Variants in ACOT11 observed in about 807,000 individuals in gnomAD.
ACOT11 encodes acyl-coenzyme A thioesterase 11.
In ACOT11, 69 loss-of-function variants were observed where a neutral mutation model predicts 77.5. The ratio of observed to expected loss-of-function variants is 0.89; its 90% CI spans 0.73 to 1.09. The LOEUF is 1.09. ACOT11 is among the 50% of genes least tolerant of loss of function. The pLI, the probability that ACOT11 is intolerant of heterozygous loss-of-function variation, is 0.00. For synonymous variants in ACOT11, 279 were observed against 313.0 expected, an observed-to-expected ratio of 0.89 and a Z score of 1.15; for missense variants, 766 against 813.7, an observed-to-expected ratio of 0.94 and a Z score of 0.71.
intron 6 of ACOT11, 28 bp from the exon 7 acceptor site, chr1:54,597,231 T>A: frequency 6.2e-7 from 1 of 1,607,322 alleles, no homozygotes. Context: ...ACCTCCCTGC[T>A]TCCCTCCCTT....
intron 1 of ACOT11, among the ~76,000 whole-genome samples, chr1:54,568,186 A>G (rs1374252039): frequency 6.6e-6 from 1 of 152,056 alleles, no homozygotes; most frequent in Admixed American, 6.6e-5. Flanking sequence ...GATCCTAGCC[A>G]GGAAGCCTCT....
At chr1:54,638,061 A>G (rs1644341042) in exon 17 of ACOT11, 1 of 151,932 alleles carries the variant, frequency 6.6e-6, no homozygotes, top group Non-Finnish European at 1.5e-5. Flanking sequence ...GCTTCAAGCT[A>G]TCCTCCCACC....
intron 2 of ACOT11, 144 bp from the exon 3 acceptor site, chr1:54,585,691 G>A (rs1035507860): frequency 4.2e-6 from 3 of 713,748 alleles, no homozygotes; most frequent in East Asian, 2.7e-5. Flanking sequence ...GGTGAGGGGT[G>A]TAAGGAATGG....
intron 1 of ACOT11, among the ~76,000 whole-genome samples, chr1:54,555,183 A>G (rs1005295805): frequency 2.6e-5 from 4 of 152,138 alleles, no homozygotes; most frequent in African/African-American, 9.7e-5. Context: ...CTGGTCTCGA[A>G]CTCATAACCT....
At chr1:54,565,788 C>T (rs771902020) in intron 1 of ACOT11, among the ~76,000 whole-genome samples, 3 of 152,138 alleles carry the variant, frequency 2.0e-5, no homozygotes, top group Non-Finnish European at 1.5e-5. Context: ...GTCCCAGGAC[C>T]AGATGAACCA....
Position 54,626,000 on chromosome 1 carries a change from C to T in ACOT11, c.1630-4734C>T, listed in dbSNP as rs139307209. Reference sequence around the variant, plus strand: ...GAAAAGGCCAGCATGGTGGCTCACACCTGTAATCCCAGCACTTTGGGAGGC... The same window carrying T: ...GAAAAGGCCAGCATGGTGGCTCACATCTGTAATCCCAGCACTTTGGGAGGC... On this transcript the variant is annotated intron_variant, in intron 15 of 16. Transcript: ENST00000371316. Among the ~76,000 whole-genome samples the T allele has an allele frequency of 1.1e-3, 165 of 151,226 alleles. 2 individuals are homozygous for T. In the East Asian group the frequency reaches 0.022, roughly 20 times the overall value.
downstream of ACOT11, chr1:54,612,459 G>T: frequency 1.3e-6 from 2 of 1,554,236 alleles, no homozygotes; most frequent in Middle Eastern, 3.4e-4. Flanking sequence ...CCTCCAGGAG[G>T]GTGGGGGTGG....
At chr1:54,635,223 A>G in exon 17 of ACOT11, 1 of 225,904 alleles carries the variant, frequency 4.4e-6, no homozygotes, top group Non-Finnish European at 8.7e-6. Flanking sequence ...TTCCTATGGA[A>G]TCATTACTAA....
At chr1:54,589,317 C>CTTTTTTTTTTTTTTTTTTTTTTTT (rs397863314) in intron 3 of ACOT11, among the ~76,000 whole-genome samples, 1 of 124,400 alleles carries the variant, frequency 8.0e-6, no homozygotes. Flanking sequence ...ATGCCTGGCC[C>CTTTTTTTTTTTTTTTTTTTTTTTT]TTTTTTTTTT....
chr1:54,634,077 G>A (rs1359543905), intron 16 of ACOT11, among the ~76,000 whole-genome samples: 2 of 152,118 alleles, frequency 1.3e-5, no homozygotes, highest in Non-Finnish European at 2.9e-5. Flanking sequence ...GGGAGAACTC[G>A]GATTGTTAAA....
chr1:54,600,619 G>T (rs1375991762), intron 8 of ACOT11, among the ~76,000 whole-genome samples: 1 of 152,202 alleles, frequency 6.6e-6, no homozygotes, highest in Non-Finnish European at 1.5e-5. Flanking sequence ...AGAGGCGGAG[G>T]TTGCAGTGAG....
chr1:54,571,099 G>T (rs1337729267), intron 1 of ACOT11, among the ~76,000 whole-genome samples: 12 of 147,966 alleles, frequency 8.1e-5, no homozygotes, highest in Non-Finnish European at 1.6e-4. Context: ...AAGAGACAGG[G>T]TCTCACTCTG....
At chr1:54,610,744 A>C, downstream of ACOT11, 2 of 979,756 alleles carry the variant, frequency 2.0e-6, no homozygotes, top group Non-Finnish European at 2.4e-6. Flanking sequence ...TATAAGCAGT[A>C]AGCAAAGTTG....
At chr1:54,554,745 A>G (rs1352288063) in intron 1 of ACOT11, among the ~76,000 whole-genome samples, 4 of 152,150 alleles carry the variant, frequency 2.6e-5, no homozygotes, top group Admixed American at 1.3e-4. Context: ...ACACGGGAGT[A>G]GAGGTATCTC....
chr1:54,594,121 G>A lies in ACOT11; in HGVS notation c.471+82G>A, dbSNP rs1258677258. The A allele has an allele frequency of 6.1e-6, 8 of 1,318,002 alleles. No homozygotes were observed. The African/African-American group carries it at 8.8e-5, about 14-fold the overall frequency. 81.6% of individuals were successfully genotyped at this position (1,318,002 alleles called of 1,614,324 possible). On this transcript the variant is annotated intron_variant, in intron 5 of 15. Transcript: ENST00000343744. ...GGCGAGTCTGGCTCAGGGGAATGAGGTTAGGGGTTGGCAGAGGGGATGGGG... is the reference window on the plus strand; with the variant it reads ...GGCGAGTCTGGCTCAGGGGAATGAGATTAGGGGTTGGCAGAGGGGATGGGG...
In ACOT11 at chr1:54,585,918, C is replaced by T. The variant is rs375645835; in HGVS notation, c.311+14C>T. On this transcript the variant is annotated intron_variant, in intron 3 of 15. Coordinates refer to ENST00000343744, the MANE Select transcript of ACOT11 (RefSeq NM_147161.4). ...GCACACCATTAGGTAAGTGGCCCCT[C>T]CTGCCTCAAGGTCCTCTGGGCTCCC... 25 of 1,613,810 alleles carry T rather than the reference C, an allele frequency of 1.5e-5. No homozygotes were observed. The highest frequency in any genetic ancestry group is 2.1e-5 in the Non-Finnish European group (25 of 1,179,838).
chr1:54,596,967 C>T (rs1253508710), intron 6 of ACOT11, among the ~76,000 whole-genome samples: 1 of 152,192 alleles, frequency 6.6e-6, no homozygotes, highest in Non-Finnish European at 1.5e-5. Flanking sequence ...ATGAGGCAAC[C>T]GAGGCTCAGA....
At chr1:54,625,736 G>A (rs12406154) in intron 15 of ACOT11, among the ~76,000 whole-genome samples, 42,839 of 148,390 alleles carry the variant, frequency 0.29, 6,704 homozygotes, top group Middle Eastern at 0.45. Flanking sequence ...TTGGGAGTTC[G>A]AGACCAGCCT....
chr1:54,611,094 T>C (rs1002250656), downstream of ACOT11: 2 of 869,124 alleles, frequency 2.3e-6, no homozygotes, highest in Non-Finnish European at 2.8e-6. Flanking sequence ...TGAACTGTTT[T>C]GAGCCGCTGT....
Sources: allele counts gnomAD v4.1 joint callset (sites outside exome capture counted in the v4.1 genomes callset), GRCh38; gene constraint gnomAD v4.1.1; transcripts MANE v1.5; gene names NCBI Gene and HGNC (gene_info 2026-07-23, HGNC 2026-07-21).